CTNNA3: variants seen among roughly 807,000 people sequenced by gnomAD.
The protein encoded by CTNNA3 is catenin alpha-3.
CTNNA3 carries 76 observed loss-of-function variants against 95.7 expected under a neutral mutation model. The observed-to-expected ratio is 0.79, with a 90% CI of 0.66 to 0.96. The LOEUF is 0.96. Among genes scored for constraint, CTNNA3 ranks in the 40% least tolerant of loss-of-function variants. CTNNA3 has a pLI of 0.00. For synonymous variants in CTNNA3, 431 were observed against 374.4 expected (o/e 1.15, Z -1.74); for missense variants, 1,191 against 1,089.8 (o/e 1.09, Z -1.31).
intron 11 of CTNNA3, among the ~76,000 whole-genome samples, chr10:66,518,801 A>G (rs898208117): frequency 1.3e-5 from 2 of 152,062 alleles, no homozygotes; most frequent in Non-Finnish European, 2.9e-5. Context: ...GAGTAGTGGA[A>G]TCAAAGGCCA....
intron 5 of CTNNA3, among the ~76,000 whole-genome samples, chr10:67,256,812 T>C (rs1866369093): frequency 6.6e-6 from 1 of 152,134 alleles, no homozygotes; most frequent in Admixed American, 6.6e-5. Flanking sequence ...GGAGGAAAAC[T>C]GCAAAAACTT....
intron 5 of CTNNA3, among the ~76,000 whole-genome samples, chr10:67,435,498 T>A (rs1371304789): frequency 6.6e-6 from 1 of 151,736 alleles, no homozygotes; most frequent in Non-Finnish European, 1.5e-5. Context: ...AGAAAAAAAA[T>A]GAAGGGAATC....
chr10:66,217,277 C>A (rs1037077171), intron 13 of CTNNA3, among the ~76,000 whole-genome samples: 21 of 149,820 alleles, frequency 1.4e-4, no homozygotes, highest in Non-Finnish European at 2.8e-4. Flanking sequence ...TGCTTGAACC[C>A]GAGAGGCAGA....
chr10:67,177,102 G>C (rs1445176615), intron 7 of CTNNA3: 1 of 396,328 alleles, frequency 2.5e-6, no homozygotes, highest in East Asian at 7.1e-5. Context: ...AATTTAACAG[G>C]ACAGTATATA....
chr10:66,900,713 G>T (rs771009358), intron 7 of CTNNA3, among the ~76,000 whole-genome samples: 1 of 152,162 alleles, frequency 6.6e-6, no homozygotes, highest in Non-Finnish European at 1.5e-5. Context: ...ACCATGGCAT[G>T]AGAACTTCAT....
At chr10:67,671,132 A>T (rs1840423901) in intron 1 of CTNNA3, among the ~76,000 whole-genome samples, 1 of 152,170 alleles carries the variant, frequency 6.6e-6, no homozygotes, top group Admixed American at 6.5e-5. Flanking sequence ...CCTTCTTTGC[A>T]ACTCAGAATG....
At chr10:66,655,766 CAGA>C (rs1846053988) in intron 9 of CTNNA3, among the ~76,000 whole-genome samples, 1 of 151,966 alleles carries the variant, frequency 6.6e-6, no homozygotes, top group Admixed American at 6.6e-5. Flanking sequence ...CTAGGAATTA[CAGA>C]AGAATTGCCA....
intron 7 of CTNNA3, among the ~76,000 whole-genome samples, chr10:66,848,468 C>A (rs753271903): frequency 3.6e-4 from 55 of 152,242 alleles, no homozygotes; most frequent in Middle Eastern, 3.4e-3. Context: ...ATGAGAAATA[C>A]AGAATCAGAG....
At chr10:66,150,253 C>T (rs2084127487) in intron 13 of CTNNA3, among the ~76,000 whole-genome samples, 1 of 152,136 alleles carries the variant, frequency 6.6e-6, no homozygotes, top group Admixed American at 6.6e-5. Context: ...TTTTTCTGCA[C>T]AAGCTCTCTT....
chr10:67,403,435 C>T (rs1845002545), intron 5 of CTNNA3: 1 of 152,402 alleles, frequency 6.6e-6, no homozygotes, highest in Non-Finnish European at 1.5e-5. Flanking sequence ...GCTGTTTTGT[C>T]AAGGTGTGGC....
intron 5 of CTNNA3, among the ~76,000 whole-genome samples, chr10:67,243,145 A>G (rs750749098): frequency 7.2e-5 from 11 of 152,060 alleles, no homozygotes; most frequent in Non-Finnish European, 1.5e-4. Flanking sequence ...ACATGTCCGA[A>G]GTTGAGCCCA....
chr10:66,565,360 T>C (rs2631208), intron 10 of CTNNA3, among the ~76,000 whole-genome samples: 129,990 of 152,092 alleles, frequency 0.85, 56,144 homozygotes, highest in Non-Finnish European at 0.92. Context: ...GAGACAGATG[T>C]CAAGTAATAG....
At chr10:67,563,393 A>G (rs1321816311) in intron 3 of CTNNA3, among the ~76,000 whole-genome samples, 3 of 152,262 alleles carry the variant, frequency 2.0e-5, no homozygotes, top group Admixed American at 2.0e-4. Context: ...AAATGAGGAA[A>G]GGATTCCCTA....
At chr10:67,105,063 A>T (rs897223223) in intron 7 of CTNNA3, among the ~76,000 whole-genome samples, 16 of 152,042 alleles carry the variant, frequency 1.1e-4, no homozygotes, top group African/African-American at 3.9e-4. Flanking sequence ...ATACCAAGGT[A>T]AGTGAAGGGC....
chr10:66,716,916 T>C (rs1207444182), intron 9 of CTNNA3, among the ~76,000 whole-genome samples: 6 of 152,084 alleles, frequency 3.9e-5, no homozygotes, highest in Non-Finnish European at 7.4e-5. Context: ...TCTGTGAAGG[T>C]ATTTTACAGA....
chr10:66,645,776 A>T (rs1845687181), intron 9 of CTNNA3, among the ~76,000 whole-genome samples: 1 of 152,178 alleles, frequency 6.6e-6, no homozygotes, highest in African/African-American at 2.4e-5. Context: ...CTAATGCCTG[A>T]TGATCTGAGG....
chr10:67,446,436 C>A (rs895604179), intron 5 of CTNNA3, among the ~76,000 whole-genome samples: 1 of 152,186 alleles, frequency 6.6e-6, no homozygotes, highest in Admixed American at 6.5e-5. Context: ...TCATCTTACT[C>A]AGAGTAAAAT....
intron 9 of CTNNA3, among the ~76,000 whole-genome samples, chr10:66,683,762 G>A (rs1847149277): frequency 6.6e-6 from 1 of 152,104 alleles, no homozygotes; most frequent in African/African-American, 2.4e-5. Context: ...GCAAAATCTT[G>A]AATGACAGCC....
At chr10:66,679,347 T>C (rs2132496063) in intron 9 of CTNNA3, among the ~76,000 whole-genome samples, 1 of 152,256 alleles carries the variant, frequency 6.6e-6, no homozygotes, top group East Asian at 1.9e-4. Flanking sequence ...TTTCATTCCC[T>C]GAAAGAGAAA....
Sources: allele counts gnomAD v4.1 joint callset (sites outside exome capture counted in the v4.1 genomes callset), GRCh38; gene constraint gnomAD v4.1.1; transcripts MANE v1.5; gene names NCBI Gene and HGNC (gene_info 2026-07-23, HGNC 2026-07-21).